Variants in DENND2C observed in about 807,000 individuals in gnomAD.
DENND2C encodes DENN domain-containing protein 2C.
Under a neutral mutation model 112.4 loss-of-function variants are expected in DENND2C, and 72 were observed. The observed-to-expected ratio is 0.64, with a 90% CI of 0.53 to 0.78. The LOEUF is 0.78. Ranked by LOEUF, DENND2C falls within the 30% of genes least tolerant of loss-of-function variation. The pLI, the probability that DENND2C is intolerant of heterozygous loss-of-function variation, is 0.00. For missense variants in DENND2C, 992 were observed against 1,113.8 expected (o/e 0.89, Z 1.56); for synonymous variants, 329 against 381.6 (o/e 0.86, Z 1.61).
At chr1:114,663,142 T>C (rs1657545432) in intron 1 of DENND2C, among the ~76,000 whole-genome samples, 1 of 152,190 alleles carries the variant, frequency 6.6e-6, no homozygotes, top group Non-Finnish European at 1.5e-5. Flanking sequence ...CATTATCATG[T>C]TTTCTTTTCT....
intron 1 of DENND2C, among the ~76,000 whole-genome samples, chr1:114,659,446 G>A (rs918254893): frequency 6.6e-6 from 1 of 152,138 alleles, no homozygotes; most frequent in Non-Finnish European, 1.5e-5. Flanking sequence ...AGGTTGCAGT[G>A]AGCGGAGATC....
At chr1:114,658,406 T>C (rs1286504822) in intron 1 of DENND2C, among the ~76,000 whole-genome samples, 2 of 152,142 alleles carry the variant, frequency 1.3e-5, no homozygotes, top group Non-Finnish European at 2.9e-5. Flanking sequence ...ACCAGTGTCA[T>C]ACAAGTAAGG....
At chr1:114,613,161 T>G (rs927458315) in intron 8 of DENND2C, among the ~76,000 whole-genome samples, 1 of 152,174 alleles carries the variant, frequency 6.6e-6, no homozygotes, top group Admixed American at 6.6e-5. Flanking sequence ...CTAAATAAAA[T>G]TTTACATCTA....
At chr1:114,650,928 T>C (rs6691804) in intron 2 of DENND2C, among the ~76,000 whole-genome samples, 133,057 of 152,060 alleles carry the variant, frequency 0.88, 58,716 homozygotes, top group African/African-American at 0.96. Flanking sequence ...TCTCGTATCC[T>C]TCACAGTGCC....
intron 3 of DENND2C, among the ~76,000 whole-genome samples, chr1:114,638,386 A>AT (rs1656713390): frequency 6.6e-6 from 1 of 152,216 alleles, no homozygotes; most frequent in South Asian, 2.1e-4. Flanking sequence ...CACAAAACAC[A>AT]TTAACCATAA....
intron 19 of DENND2C, 96 bp downstream of exon 19, chr1:114,587,620 G>T (rs1655074795): frequency 2.8e-6 from 4 of 1,412,740 alleles, no homozygotes; most frequent in African/African-American, 2.9e-5. Context: ...CAGATTTTAA[G>T]CCCTTGTCGC....
intron 18 of DENND2C, among the ~76,000 whole-genome samples, chr1:114,590,206 C>T (rs1655146375): frequency 1.3e-5 from 2 of 152,010 alleles, no homozygotes. Context: ...CAAGGCTGGG[C>T]AACATAGACT....
intron 2 of DENND2C, among the ~76,000 whole-genome samples, chr1:114,651,845 G>A (rs768202493): frequency 3.9e-5 from 6 of 151,956 alleles, no homozygotes; most frequent in Non-Finnish European, 8.8e-5. Context: ...CTCATGCTAA[G>A]GAGCAAGGTA....
chr1:114,608,320 G>C (rs1655716427), intron 10 of DENND2C, among the ~76,000 whole-genome samples: 1 of 151,836 alleles, frequency 6.6e-6, no homozygotes, highest in Non-Finnish European at 1.5e-5. Context: ...CACGGAACTA[G>C]TAAGTGGGAA....
chr1:114,663,205 T>C (rs927964808), intron 1 of DENND2C, among the ~76,000 whole-genome samples: 1 of 152,222 alleles, frequency 6.6e-6, no homozygotes, highest in Non-Finnish European at 1.5e-5. Context: ...TAAAATTCCA[T>C]CCTGTCCAAC....
chr1:114,600,113 A>G (rs1056176495), intron 15 of DENND2C, 91 bp downstream of exon 15: 53 of 1,411,586 alleles, frequency 3.8e-5, no homozygotes, highest in Admixed American at 1.7e-4. Flanking sequence ...AACTTAAAGT[A>G]TAATAGTAAA....
intron 1 of DENND2C, among the ~76,000 whole-genome samples, chr1:114,665,745 G>A (rs1180961877): frequency 6.6e-6 from 1 of 152,132 alleles, no homozygotes; most frequent in African/African-American, 2.4e-5. Context: ...CCATTTCATT[G>A]CTTTATAATA....
rs192545956 is a variant in DENND2C, at chr1:114,594,571, T to A, written c.2333A>T (p.Asp778Val). 24 of 1,612,832 alleles carry A rather than the reference T, an allele frequency of 1.5e-5. No individual in the cohort carries two copies. Among genetic ancestry groups the A allele is most frequent in the Non-Finnish European group, 1.9e-5 (23 of 1,179,526 alleles). The change falls in exon 18 of 21, where the codon GAT becomes GTT. Residue 778 changes from aspartate to valine, a missense_variant. Transcript: ENST00000393274. ...TTTTGGTGGTAGAATTTCATCCTCATCAGATACCTTAAGAAGAAAAAAAAA... is the reference window on the plus strand; with the variant it reads ...TTTTGGTGGTAGAATTTCATCCTCAACAGATACCTTAAGAAGAAAAAAAAA... The part of the protein sequence containing the change: ...CADKFLQEVS[D>V]EDEILPPKLQ...
chr1:114,600,130 A>G, intron 15 of DENND2C, 74 bp downstream of exon 15: 1 of 1,521,254 alleles, frequency 6.6e-7, no homozygotes, highest in Non-Finnish European at 8.8e-7. Context: ...TAAAATAAAA[A>G]AAAATGCCCC....
intron 2 of DENND2C, among the ~76,000 whole-genome samples, chr1:114,648,851 C>T (rs758718967): frequency 8.6e-5 from 13 of 151,976 alleles, no homozygotes; most frequent in African/African-American, 1.5e-4. Context: ...GAAAATGGCA[C>T]GTAAAACTAA....
chr1:114,587,269 AC>A (rs1237401203), intron 20 of DENND2C, 117 bp downstream of exon 20: 3 of 1,114,080 alleles, frequency 2.7e-6, no homozygotes, highest in Non-Finnish European at 4.1e-6. Context: ...CTGGTCTCAA[AC>A]TCCTGGCCTC....
rs1654976060 is a variant in DENND2C, at chr1:114,584,046, C to T, written c.*1554G>A. 6.6e-6 allele frequency: 1 copy of T among 152,006 alleles called. No individual in the cohort carries two copies. Among genetic ancestry groups the T allele is most frequent in the South Asian group, 2.1e-4 (1 of 4,820 alleles). The allele number at this position is 152,006 out of a possible 1,614,324, so 9.4% of individuals were successfully genotyped here. A position where few individuals can be genotyped will look rare whatever the true frequency, so the allele number is the denominator to read the frequency against. ...GAATAAAAAGAGTCTCATCTAGGCA[C>T]CTATAAAGTTCCTTATCCTCAGAGC... On this transcript the variant is annotated 3_prime_UTR_variant, in exon 21 of 21. Transcript: ENST00000393274.
intron 16 of DENND2C, among the ~76,000 whole-genome samples, chr1:114,598,248 A>C (rs1655397340): frequency 6.6e-6 from 1 of 152,216 alleles, no homozygotes; most frequent in Non-Finnish European, 1.5e-5. Context: ...ATGGATAAGA[A>C]AATTGTGGTA....
rs866481620 is a variant in DENND2C, at chr1:114,594,512, G to C, written c.2392C>G (p.Arg798Gly). 6.2e-7 allele frequency: 1 copy of C among 1,613,730 alleles called. No individual in the cohort carries two copies. Among genetic ancestry groups the C allele is most frequent in the South Asian group, 1.1e-5 (1 of 91,074 alleles). ...QAALMQILEERNEILTQEQNF... is the reference protein window; with the variant it reads ...QAALMQILEEGNEILTQEQNF... ...TGCTCCTGAGTCAAGATTTCATTTC[G>C]TTCTTCCAAAATCTGCATCAGGGCA... is the stretch of plus-strand genomic sequence containing the variant. Residue 798 changes from arginine to glycine, a missense_variant, in exon 18 of 21, where the codon CGA becomes GGA. Coordinates refer to ENST00000393274, the MANE Select transcript of DENND2C (RefSeq NM_001256404.2).
Sources: allele counts gnomAD v4.1 joint callset (sites outside exome capture counted in the v4.1 genomes callset), GRCh38; gene constraint gnomAD v4.1.1; transcripts MANE v1.5; gene names NCBI Gene and HGNC (gene_info 2026-07-23, HGNC 2026-07-21).